The following NAXD variants were observed in gnomAD, a reference collection of about 807,000 sequenced individuals.
The protein encoded by NAXD is NAD(P)HX dehydratase, also known as ATP-dependent (S)-NAD(P)H-hydrate dehydratase.
A neutral mutation model predicts 35.8 loss-of-function variants in NAXD; 22 were observed. The ratio of observed to expected loss-of-function variants is 0.62; its 90% confidence interval spans 0.44 to 0.88. The LOEUF (loss-of-function observed/expected upper bound fraction) is 0.88, where lower values mean the gene tolerates loss of function less well. Ranked by LOEUF, NAXD falls within the 40% of genes least tolerant of loss-of-function variation. The probability of loss-of-function intolerance (pLI) is 0.00; values close to 1 mark genes in which losing one functional copy is unlikely to be tolerated. For missense variants in NAXD, 428 were observed against 437.7 expected (o/e 0.98, Z 0.20); for synonymous variants, 189 against 177.6 (o/e 1.06, Z -0.51).
chr13:110,619,096 G>A (rs1309999054), intron 1 of NAXD, among the ~76,000 whole-genome samples: 3 of 152,216 alleles, frequency 2.0e-5, no homozygotes, highest in Admixed American at 6.5e-5. Flanking sequence ...ACCTGGACTC[G>A]TGGCTGCAGC....
At chr13:110,630,564 T>C (rs890939473) in intron 5 of NAXD, among the ~76,000 whole-genome samples, 1 of 152,222 alleles carries the variant, frequency 6.6e-6, no homozygotes, top group African/African-American at 2.4e-5. Context: ...CTGTTTTTTC[T>C]TTTGTCCCTT....
chr13:110,622,169 C>G, intron 1 of NAXD, 47 bp from the exon 2 acceptor site: 1 of 1,539,628 alleles, frequency 6.5e-7, no homozygotes, highest in Non-Finnish European at 8.8e-7. Context: ...TGTGTACTAA[C>G]AATATCTGTT....
At chr13:110,632,987 G>A (rs1218057070) in intron 5 of NAXD, among the ~76,000 whole-genome samples, 1 of 152,198 alleles carries the variant, frequency 6.6e-6, no homozygotes, top group African/African-American at 2.4e-5. Context: ...CCCGCACCAG[G>A]GCTGCAGGTG....
rs1247504970 is a variant in NAXD at position 110,638,987 on chromosome 13, C to T, written c.*459C>T. On this transcript the variant is annotated 3_prime_UTR_variant, in exon 10 of 10. Transcript: ENST00000680254. This position sits in a 1 kb window ranked among gnomAD's most constrained non-coding sequence, Gnocchi z 5.4. ...GGGTCCCCGGGTGTCTCCCTGAGTCCCGACTGCACTGACTGGGTCCATCAG... is the reference window on the plus strand; with the variant it reads ...GGGTCCCCGGGTGTCTCCCTGAGTCTCGACTGCACTGACTGGGTCCATCAG... 2.6e-5 allele frequency: 9 copies of T among 343,978 alleles called. No individual in the cohort carries two copies. The highest frequency in any genetic ancestry group is 4.0e-5 in the Non-Finnish European group (7 of 174,706). 21.3% of individuals were successfully genotyped at this position (343,978 alleles called of 1,614,324 possible). A position where few individuals can be genotyped will look rare whatever the true frequency, so the allele number is the denominator to read the frequency against.
chr13:110,627,160 T>G (rs928926102), intron 4 of NAXD, among the ~76,000 whole-genome samples: 1 of 151,958 alleles, frequency 6.6e-6, no homozygotes, highest in Non-Finnish European at 1.5e-5. Context: ...AATGGGAAAT[T>G]TGGAAAATGC....
At chr13:110,619,437 A>C (rs1199643009) in intron 1 of NAXD, among the ~76,000 whole-genome samples, 1 of 152,200 alleles carries the variant, frequency 6.6e-6, no homozygotes, top group Non-Finnish European at 1.5e-5. Context: ...TTCATCAGGC[A>C]GGGTACATTG....
At chr13:110,633,452 C>T (rs1252594126) in intron 5 of NAXD, among the ~76,000 whole-genome samples, 1 of 152,246 alleles carries the variant, frequency 6.6e-6, no homozygotes, top group Non-Finnish European at 1.5e-5. Flanking sequence ...GGGCTCCAGC[C>T]TTGGCCAGCC....
chr13:110,632,393 G>A (rs1357018469), intron 5 of NAXD, among the ~76,000 whole-genome samples: 1 of 152,208 alleles, frequency 6.6e-6, no homozygotes, highest in African/African-American at 2.4e-5. Context: ...AGTTTCCACA[G>A]CGTGGAAGGG....
intron 2 of NAXD, 108 bp from the exon 3 acceptor site, chr13:110,624,126 A>G: frequency 4.4e-6 from 3 of 689,432 alleles, no homozygotes; most frequent in Non-Finnish European, 7.7e-6. Context: ...TTATTGATAA[A>G]CCATGTCTAT....
At chr13:110,637,834 T>C in intron 9 of NAXD, 1 of 468,956 alleles carries the variant, frequency 2.1e-6, no homozygotes, top group South Asian at 1.5e-5. Flanking sequence ...TCCAGTGGCC[T>C]CATGTGTCCT....
At position 110,638,409 on chromosome 13, in the gene NAXD, G is replaced by T. The variant is rs1290048682; in HGVS notation, c.871G>T (p.Ala291Ser). ...SSPLLVAAFGACSLTRQCNHQ... is the reference protein window; with the variant it reads ...SSPLLVAAFGSCSLTRQCNHQ... Reference sequence around the variant, plus strand: ...CCCTCTCCTGGTGGCCGCGTTTGGCGCCTGCTCTCTCACCAGGCAGTGCAA... The same window carrying T: ...CCCTCTCCTGGTGGCCGCGTTTGGCTCCTGCTCTCTCACCAGGCAGTGCAA... Residue 291 changes from alanine (A) to serine (S), a missense_variant, in exon 10 of 10, where the codon GCC becomes TCC. Around this residue, in one of 3 missense-constraint regions of NAXD, gnomAD observed 209 missense variants for 214.6 expected, o/e 0.97. Coordinates refer to ENST00000680254, the MANE Select transcript of NAXD (RefSeq NM_001242882.2). This position sits in a 1 kb window ranked among gnomAD's most constrained non-coding sequence, Gnocchi z 5.4. 6.2e-7 allele frequency: 1 copy of T among 1,613,502 alleles called. No homozygotes were observed. The highest frequency in any genetic ancestry group is 1.3e-5 in the African/African-American group (1 of 74,886).
intron 1 of NAXD, among the ~76,000 whole-genome samples, chr13:110,620,198 C>T (rs1015148124): frequency 6.6e-6 from 1 of 152,120 alleles, no homozygotes; most frequent in African/African-American, 2.4e-5. Context: ...CTGCAGGTAG[C>T]TCAGCAAGCT....
Position 110,628,478 on chromosome 13 carries a change from C to T in NAXD, c.441+931C>T, listed in dbSNP as rs1273822351. Reference sequence around the variant, plus strand: ...CAGATCAGCAGTCACCCTGAAAATGCCAGCCATCTGCATGGCACTCTGTTG... The same window carrying T: ...CAGATCAGCAGTCACCCTGAAAATGTCAGCCATCTGCATGGCACTCTGTTG... On this transcript the variant is annotated intron_variant, in intron 5 of 9. Coordinates refer to ENST00000680254, the MANE Select transcript of NAXD (RefSeq NM_001242882.2). The surrounding 1 kb of genome is among the most constrained non-coding windows in gnomAD (Gnocchi z 4.1). Among the ~76,000 whole-genome samples the T allele has an allele frequency of 6.6e-6, 1 of 152,204 alleles. No individual in the cohort carries two copies. The highest frequency in any genetic ancestry group is 1.5e-5 in the Non-Finnish European group (1 of 68,038).
In NAXD at chr13:110,615,630, T is replaced by G. The variant is rs991101444; in HGVS notation, c.29T>G (p.Ile10Ser). MALGPRCGA[I>S]RACRRVLERA... ...GCCCTGGGTCCTCGCTGTGGGGCAA[T>G]CCGGGCTTGCAGACGAGGTAAGGTC... is the stretch of plus-strand genomic sequence containing the variant. The change falls in exon 1 of 10, where the codon ATC becomes AGC. Residue 10 changes from isoleucine (I) to serine (S), a missense_variant. Coordinates refer to ENST00000680254, the MANE Select transcript of NAXD (RefSeq NM_001242882.2). The G allele has an allele frequency of 2.0e-6, 3 of 1,483,058 alleles. No homozygotes were observed. The highest frequency in any genetic ancestry group is 2.7e-6 in the Non-Finnish European group (3 of 1,121,614). The allele number at this position is 1,483,058 out of a possible 1,614,324, so 91.9% of individuals were successfully genotyped here.
At chr13:110,618,329 A>G (rs1486057773) in intron 1 of NAXD, among the ~76,000 whole-genome samples, 1 of 152,164 alleles carries the variant, frequency 6.6e-6, no homozygotes, top group East Asian at 1.9e-4. Flanking sequence ...TGGCCAGGGA[A>G]CTGGGAATCT....
intron 5 of NAXD, among the ~76,000 whole-genome samples, chr13:110,629,365 G>T (rs562989300): frequency 6.6e-6 from 1 of 152,276 alleles, no homozygotes; most frequent in Admixed American, 6.5e-5. Flanking sequence ...CTATGCGGTG[G>T]CTTCAAGTAT....
intron 5 of NAXD, among the ~76,000 whole-genome samples, chr13:110,631,835 GACC>G (rs972463584): frequency 9.2e-5 from 14 of 152,306 alleles, no homozygotes; most frequent in African/African-American, 3.4e-4. Context: ...CTAATGCTCG[GACC>G]AGTGTCAGAG....
Position 110,628,275 on chromosome 13 carries a change from C to T in NAXD, c.441+728C>T, listed in dbSNP as rs767798114. ...GGGGCTGCCCTCTGAGACCCTTTCTCAAGTTCCGGGGGACCCCTGTTAGAG... is the reference window on the plus strand; with the variant it reads ...GGGGCTGCCCTCTGAGACCCTTTCTTAAGTTCCGGGGGACCCCTGTTAGAG... On this transcript the variant is annotated intron_variant, in intron 5 of 9. Transcript: ENST00000680254. The surrounding 1 kb of genome is among the most constrained non-coding windows in gnomAD (Gnocchi z 4.1). Among the ~76,000 whole-genome samples the T allele has an allele frequency of 3.9e-5, 6 of 152,176 alleles. No homozygotes were observed. The highest frequency in any genetic ancestry group is 8.8e-5 in the Non-Finnish European group (6 of 68,038).
intron 1 of NAXD, 98 bp from the exon 2 acceptor site, chr13:110,622,118 T>C: frequency 3.2e-6 from 3 of 950,408 alleles, no homozygotes; most frequent in Non-Finnish European, 3.0e-6. Context: ...TCTATAGCAT[T>C]CGTAATAACT....
Sources: allele counts gnomAD v4.1 joint callset (sites outside exome capture counted in the v4.1 genomes callset), GRCh38; gene constraint gnomAD v4.1.1; regional missense constraint gnomAD v4.1.1; non-coding constraint Gnocchi (gnomAD v3.1); transcripts MANE v1.5; gene names NCBI Gene and HGNC (gene_info 2026-07-23, HGNC 2026-07-21).